Variants in ANKRD44 observed in about 807,000 individuals in gnomAD.
ANKRD44 encodes the protein serine/threonine-protein phosphatase 6 regulatory ankyrin repeat subunit B.
In ANKRD44, 35 loss-of-function variants were observed where a neutral mutation model predicts 116.0. The ratio of observed to expected loss-of-function variants is 0.30; its 90% CI spans 0.23 to 0.40. The LOEUF (loss-of-function observed/expected upper bound fraction) is 0.40. Ranked by LOEUF, ANKRD44 falls within the 10% of genes least tolerant of loss-of-function variation. ANKRD44 has a pLI of 1.00. For missense variants in ANKRD44, 1,014 were observed against 1,242.6 expected, an observed-to-expected ratio of 0.82 and a Z score of 2.77; for synonymous variants, 435 against 461.8, an observed-to-expected ratio of 0.94 and a Z score of 0.74.
chr2:197,190,134 ACT>A (rs1483427226), intron 1 of ANKRD44, among the ~76,000 whole-genome samples: 1 of 151,798 alleles, frequency 6.6e-6, no homozygotes. Context: ...TATCATTATA[ACT>A]CTTCCAATAC....
intron 2 of ANKRD44, among the ~76,000 whole-genome samples, chr2:197,179,175 A>G (rs557335915): frequency 1.2e-4 from 18 of 152,230 alleles, no homozygotes; most frequent in Non-Finnish European, 2.2e-4. Context: ...TTCCTGTGCC[A>G]TTAACATACT....
At chr2:197,138,804 C>T (rs2079284230) in intron 3 of ANKRD44, among the ~76,000 whole-genome samples, 1 of 152,142 alleles carries the variant, frequency 6.6e-6, no homozygotes, top group South Asian at 2.1e-4. Context: ...AGACCATATG[C>T]AGTCCTAGAG....
intron 2 of ANKRD44, among the ~76,000 whole-genome samples, chr2:197,168,869 C>CCTA (rs2080161646): frequency 1.3e-5 from 2 of 152,158 alleles, no homozygotes; most frequent in Admixed American, 1.3e-4. Flanking sequence ...CTGCAAACAC[C>CCTA]CTACTTCAGG....
intron 4 of ANKRD44, among the ~76,000 whole-genome samples, chr2:197,130,528 A>T (rs1185020083): frequency 1.3e-5 from 2 of 152,192 alleles, no homozygotes; most frequent in Non-Finnish European, 2.9e-5. Flanking sequence ...CAGAATCACT[A>T]GGGGTGAGGT....
intron 1 of ANKRD44, among the ~76,000 whole-genome samples, chr2:197,257,192 T>C (rs1200329987): frequency 2.0e-5 from 3 of 152,364 alleles, no homozygotes; most frequent in South Asian, 4.1e-4. Context: ...AGGATTTCTT[T>C]ATAGTAAAGG....
At chr2:197,074,458 A>G (rs967085240) in intron 16 of ANKRD44, among the ~76,000 whole-genome samples, 1 of 152,028 alleles carries the variant, frequency 6.6e-6, no homozygotes, top group Non-Finnish European at 1.5e-5. Context: ...GTAATGACAC[A>G]TTGCCAATGT....
At chr2:197,168,640 CCTT>C (rs1385013481) in intron 2 of ANKRD44, among the ~76,000 whole-genome samples, 4 of 152,172 alleles carry the variant, frequency 2.6e-5, no homozygotes, top group African/African-American at 4.8e-5. Context: ...TAGCTCTTCC[CCTT>C]CTTCTCCCTA....
intron 1 of ANKRD44, among the ~76,000 whole-genome samples, chr2:197,254,630 C>CACACAT (rs891597885): frequency 1.9e-5 from 2 of 107,574 alleles, no homozygotes; most frequent in African/African-American, 5.9e-5. Flanking sequence ...CACACACACA[C>CACACAT]ATATATATAT....
At chr2:197,021,711 T>A (rs1047217155) in intron 17 of ANKRD44, among the ~76,000 whole-genome samples, 10 of 152,228 alleles carry the variant, frequency 6.6e-5, no homozygotes, top group Non-Finnish European at 1.2e-4. Flanking sequence ...GTTAAGTAAG[T>A]TTACAGAATA....
downstream of ANKRD44, among the ~76,000 whole-genome samples, chr2:196,984,207 C>G (rs2075821697): frequency 6.6e-6 from 1 of 152,170 alleles, no homozygotes. Context: ...CATTGACATT[C>G]TAAGTGGCGC....
intron 16 of ANKRD44, among the ~76,000 whole-genome samples, chr2:197,026,030 G>A (rs1220931612): frequency 6.8e-5 from 6 of 88,696 alleles, no homozygotes; most frequent in Non-Finnish European, 1.5e-4. Context: ...CTCAGAGAAG[G>A]GGGAGATAAA....
At chr2:196,998,216 C>A in intron 25 of ANKRD44, 121 bp downstream of exon 25, 5 of 729,974 alleles carry the variant, frequency 6.8e-6, no homozygotes, top group Non-Finnish European at 1.1e-5. Context: ...TGACAAGACC[C>A]TGGGAAAATG....
At chr2:197,071,067 C>T (rs1410059311) in intron 16 of ANKRD44, among the ~76,000 whole-genome samples, 1 of 152,066 alleles carries the variant, frequency 6.6e-6, no homozygotes, top group Non-Finnish European at 1.5e-5. Flanking sequence ...ATGGGGATAT[C>T]CCCTATTTCA....
At chr2:197,192,847 C>A (rs185971339) in intron 1 of ANKRD44, among the ~76,000 whole-genome samples, 1 of 152,104 alleles carries the variant, frequency 6.6e-6, no homozygotes, top group Non-Finnish European at 1.5e-5. Context: ...CTCTTAAGTA[C>A]CATAAGGACA....
chr2:197,308,284 G>A (rs959505199), intron 1 of ANKRD44, among the ~76,000 whole-genome samples: 1 of 152,174 alleles, frequency 6.6e-6, no homozygotes, highest in Non-Finnish European at 1.5e-5. Flanking sequence ...CAGGCGGGCG[G>A]CTCCCTGCCC....
intron 1 of ANKRD44, among the ~76,000 whole-genome samples, chr2:197,284,209 C>T (rs1336990132): frequency 6.6e-6 from 1 of 152,084 alleles, no homozygotes; most frequent in African/African-American, 2.4e-5. Context: ...TTGCAAAGAA[C>T]ATTGAAGAAC....
chr2:197,131,258 C>G (rs1020879614), intron 4 of ANKRD44, among the ~76,000 whole-genome samples: 1 of 148,822 alleles, frequency 6.7e-6, no homozygotes, highest in African/African-American at 2.5e-5. Context: ...GTGGCGCGAT[C>G]TCGGCTCACT....
chr2:197,134,474 A>G (rs1376450764), intron 4 of ANKRD44: 1 of 152,220 alleles, frequency 6.6e-6, no homozygotes, highest in Non-Finnish European at 1.5e-5. Flanking sequence ...TCAGTCCATC[A>G]TTAGGCTGAC....
chr2:197,105,207 G>A (rs1466786275), intron 9 of ANKRD44, among the ~76,000 whole-genome samples: 6 of 151,814 alleles, frequency 4.0e-5, no homozygotes, highest in Admixed American at 6.6e-5. Flanking sequence ...TCTGCCTCCC[G>A]GGTTCAAGTG....
Sources: gnomAD v4.1 joint callset for allele counts (sites outside exome capture counted in the v4.1 genomes callset) on GRCh38, gnomAD v4.1.1 for gene constraint, MANE v1.5 for transcripts, NCBI Gene and HGNC (gene_info 2026-07-23, HGNC 2026-07-21) for gene names.